The following DDR2 variants were observed in gnomAD, a reference collection of about 807,000 sequenced individuals.
DDR2 encodes the protein discoidin domain receptor tyrosine kinase 2, also known as discoidin domain-containing receptor 2.
In DDR2, 27 loss-of-function variants were observed where a neutral mutation model predicts 94.9. The observed-to-expected ratio is 0.28, with a 90% confidence interval of 0.21 to 0.39. DDR2 has a LOEUF of 0.39. Among genes scored for constraint, DDR2 ranks in the 10% least tolerant of loss-of-function variants. The pLI is 1.00. For missense variants in DDR2, 783 were observed against 1,076.0 expected, an observed-to-expected ratio of 0.73 and a Z score of 3.81; for synonymous variants, 382 against 377.2, an observed-to-expected ratio of 1.01 and a Z score of -0.15.
At chr1:162,647,155 G>A (rs1340741848) in intron 1 of DDR2, among the ~76,000 whole-genome samples, 3 of 152,162 alleles carry the variant, frequency 2.0e-5, no homozygotes, top group Non-Finnish European at 4.4e-5. Context: ...ATGGCAAAGA[G>A]CCGATGAGAG....
At chr1:162,671,429 TC>T (rs2101938135) in intron 2 of DDR2, among the ~76,000 whole-genome samples, 1 of 152,302 alleles carries the variant, frequency 6.6e-6, no homozygotes, top group African/African-American at 2.4e-5. Flanking sequence ...CATTAGCATT[TC>T]CCGAGGGTTA....
chr1:162,660,360 C>G (rs1336328201), intron 2 of DDR2, among the ~76,000 whole-genome samples: 1 of 140,744 alleles, frequency 7.1e-6, no homozygotes, highest in East Asian at 2.1e-4. Context: ...AGTTGGGACC[C>G]CCCGTACTTA....
chr1:162,658,852 A>ATAAATAAATAAATAAAT (rs1553239829), intron 2 of DDR2, among the ~76,000 whole-genome samples: 1 of 151,556 alleles, frequency 6.6e-6, no homozygotes, highest in Non-Finnish European at 1.5e-5. Context: ...AAATAAATAA[A>ATAAATAAATAAATAAAT]AGTTCTTCAA....
chr1:162,701,026 A>T (rs1660405068), intron 2 of DDR2, among the ~76,000 whole-genome samples: 1 of 151,942 alleles, frequency 6.6e-6, no homozygotes. Flanking sequence ...CAAAACCCTG[A>T]TAAATAATTT....
intron 2 of DDR2, among the ~76,000 whole-genome samples, chr1:162,693,548 A>G (rs1039807730): frequency 6.6e-5 from 10 of 152,260 alleles, no homozygotes; most frequent in Non-Finnish European, 1.5e-4. Context: ...TGGAGCTTAC[A>G]TTCTCAAGGG....
At chr1:162,750,941 A>G (rs1019792282) in intron 3 of DDR2, among the ~76,000 whole-genome samples, 2 of 152,242 alleles carry the variant, frequency 1.3e-5, no homozygotes, top group Non-Finnish European at 2.9e-5. Flanking sequence ...CTGGCTAGCC[A>G]TACGTAGAAA....
At chr1:162,715,424 A>G (rs902442900) in intron 2 of DDR2, among the ~76,000 whole-genome samples, 2 of 152,202 alleles carry the variant, frequency 1.3e-5, no homozygotes, top group African/African-American at 4.8e-5. Flanking sequence ...TGAACTAGGC[A>G]AAGAGAGGAG....
intron 17 of DDR2, among the ~76,000 whole-genome samples, chr1:162,779,196 T>A (rs1647759377): frequency 6.6e-6 from 1 of 152,200 alleles, no homozygotes; most frequent in African/African-American, 2.4e-5. Flanking sequence ...TATCCTAAAC[T>A]TGTTGCTCTT....
chr1:162,716,442 A>G (rs1411438262), intron 2 of DDR2, among the ~76,000 whole-genome samples: 1 of 152,226 alleles, frequency 6.6e-6, no homozygotes, highest in East Asian at 1.9e-4. Context: ...CAATGTCTCC[A>G]GGATTCACCT....
In DDR2 at chr1:162,754,679, G is replaced by A. The variant is rs748960083; in HGVS notation, c.241G>A (p.Asp81Asn). ...AWCPEIPVEP[D>N]DLKEFLQIDL... Reference sequence around the variant, plus strand: ...GTGCCCTGAGATTCCAGTGGAACCTGATGACCTGAAGGAGTTTCTGCAGAT... The same window carrying A: ...GTGCCCTGAGATTCCAGTGGAACCTAATGACCTGAAGGAGTTTCTGCAGAT... Residue 81 changes from aspartate to asparagine, a missense_variant, in exon 5 of 18, where the codon GAT becomes AAT. Asp to Asn is a conservative substitution (Grantham distance 23). Coordinates refer to ENST00000367921, the MANE Select transcript of DDR2 (RefSeq NM_006182.4). The A allele has an allele frequency of 6.2e-7, 1 of 1,614,112 alleles. No homozygotes were observed. The highest frequency in any genetic ancestry group is 1.1e-5 in the South Asian group (1 of 91,080).
chr1:162,688,683 C>T (rs929419403), intron 2 of DDR2, among the ~76,000 whole-genome samples: 1 of 152,312 alleles, frequency 6.6e-6, no homozygotes, highest in Non-Finnish European at 1.5e-5. Flanking sequence ...CCATGACGCA[C>T]GGAGGAGGGA....
rs972367397 is a variant in DDR2, at chr1:162,785,426, G to A, written c.*5180G>A. 9 of 152,208 alleles carry A rather than the reference G, an allele frequency of 5.9e-5. No homozygotes were observed. Among genetic ancestry groups the A allele is most frequent in the Non-Finnish European group, 7.3e-5 (5 of 68,042 alleles). 9.4% of individuals were successfully genotyped at this position (152,208 alleles called of 1,614,324 possible). A position where few individuals can be genotyped will look rare whatever the true frequency, so the allele number is the denominator to read the frequency against. On this transcript the variant is annotated 3_prime_UTR_variant, in exon 18 of 18. Transcript: ENST00000367921. Reference sequence around the variant, plus strand: ...AGAGGTTTTATTTGCCTAAATAGCCGTTATTAAATGGAATAACAACCACAT... The same window carrying A: ...AGAGGTTTTATTTGCCTAAATAGCCATTATTAAATGGAATAACAACCACAT...
intron 2 of DDR2, among the ~76,000 whole-genome samples, chr1:162,690,507 G>A (rs1659916099): frequency 6.6e-6 from 1 of 152,068 alleles, no homozygotes; most frequent in African/African-American, 2.4e-5. Flanking sequence ...GGCATTGTTA[G>A]TACTAGATAC....
intron 2 of DDR2, among the ~76,000 whole-genome samples, chr1:162,669,209 G>C (rs1658719247): frequency 6.6e-6 from 1 of 152,100 alleles, no homozygotes; most frequent in Non-Finnish European, 1.5e-5. Flanking sequence ...TCTTCTCAAT[G>C]TAAGCAACTT....
intron 3 of DDR2, among the ~76,000 whole-genome samples, chr1:162,734,930 A>G (rs537588174): frequency 6.6e-6 from 1 of 152,214 alleles, no homozygotes; most frequent in African/African-American, 2.4e-5. Flanking sequence ...TGATAGAGGA[A>G]CAACGAAGAA....
intron 2 of DDR2, among the ~76,000 whole-genome samples, chr1:162,677,324 C>A (rs1437216489): frequency 6.6e-6 from 1 of 152,172 alleles, no homozygotes; most frequent in Non-Finnish European, 1.5e-5. Flanking sequence ...TGAGGGTTTA[C>A]TGTGGAAGAC....
chr1:162,741,464 T>C (rs1004980056), intron 3 of DDR2: 2 of 437,860 alleles, frequency 4.6e-6, no homozygotes, highest in African/African-American at 2.1e-5. Flanking sequence ...TCAACCTGTA[T>C]ATATTTTGAG....
chr1:162,783,656 A>G lies in DDR2; in HGVS notation c.*3410A>G, dbSNP rs1249719571. 3 of 152,234 alleles carry G rather than the reference A, an allele frequency of 2.0e-5. No homozygotes were observed. Among genetic ancestry groups the G allele is most frequent in the Non-Finnish European group, 4.4e-5 (3 of 68,038 alleles). 9.4% of individuals were successfully genotyped at this position (152,234 alleles called of 1,614,324 possible). A position where few individuals can be genotyped will look rare whatever the true frequency, so the allele number is the denominator to read the frequency against. ...GGAGAAAGAAGAAATTCTGGATGATAGAGATGATAAAAATATTTATTAAGA... is the reference window on the plus strand; with the variant it reads ...GGAGAAAGAAGAAATTCTGGATGATGGAGATGATAAAAATATTTATTAAGA... On this transcript the variant is annotated 3_prime_UTR_variant, in exon 18 of 18. Transcript: ENST00000367921.
intron 3 of DDR2, among the ~76,000 whole-genome samples, chr1:162,737,038 A>G (rs550426372): frequency 6.6e-6 from 1 of 152,116 alleles, no homozygotes; most frequent in African/African-American, 2.4e-5. Context: ...ACTACATAGT[A>G]TTCCATGCTG....
Sources: gnomAD v4.1 joint callset for allele counts (sites outside exome capture counted in the v4.1 genomes callset) on GRCh38, gnomAD v4.1.1 for gene constraint, MANE v1.5 for transcripts, NCBI Gene and HGNC (gene_info 2026-07-23, HGNC 2026-07-21) for gene names.